EFHD1: variants seen among roughly 807,000 people sequenced by gnomAD.
The protein encoded by EFHD1 is EF-hand domain-containing protein D1.
A neutral mutation model predicts 17.2 loss-of-function variants in EFHD1; 10 were observed. The observed-to-expected ratio is 0.58, with a 90% CI of 0.36 to 0.99. EFHD1 has a LOEUF of 0.99. Among genes scored for constraint, EFHD1 ranks in the 50% least tolerant of loss-of-function variants. The pLI is 0.01. For missense variants in EFHD1, 310 were observed against 327.5 expected (o/e 0.95, Z 0.41); for synonymous variants, 153 against 142.0 (o/e 1.08, Z -0.55).
intron 3 of EFHD1, among the ~76,000 whole-genome samples, chr2:232,674,928 A>G (rs1695142514): frequency 6.6e-6 from 1 of 152,128 alleles, no homozygotes; most frequent in African/African-American, 2.4e-5. Flanking sequence ...GTGAGGGAGC[A>G]GGGCTGGTGA....
intron 1 of EFHD1, among the ~76,000 whole-genome samples, chr2:232,621,356 C>T (rs74962424): frequency 4.8e-4 from 73 of 152,148 alleles, no homozygotes; most frequent in Middle Eastern, 3.2e-3. Flanking sequence ...AGGGACACAG[C>T]GGCAGAGTGA....
chr2:232,659,898 C>T (rs934407701), intron 1 of EFHD1, among the ~76,000 whole-genome samples: 11 of 152,268 alleles, frequency 7.2e-5, no homozygotes, highest in African/African-American at 2.6e-4. Context: ...ATGGCCGGAA[C>T]AGGAGCAAGA....
chr2:232,613,278 G>A (rs992692594), intron 1 of EFHD1, among the ~76,000 whole-genome samples: 3 of 151,880 alleles, frequency 2.0e-5, no homozygotes, highest in East Asian at 3.9e-4. Context: ...ACGAAAATGA[G>A]CTGGTCATGA....
In EFHD1 at chr2:232,668,683, G is replaced by A. The variant is rs12694914; in HGVS notation, c.451-3626G>A. 9.6e-3 allele frequency among the ~76,000 whole-genome samples: 1,454 copies of A among 152,126 alleles called. 22 individuals are homozygous for A. Among genetic ancestry groups the A allele is most frequent in the African/African-American group, 0.034 (1,390 of 41,490 alleles). ...CAGTTTCACTCTGTCACCCAGGCTG[G>A]AGTGCAATGGCGCGATCTCGGCTCA... On this transcript the variant is annotated intron_variant, in intron 2 of 3. Coordinates refer to ENST00000264059, the MANE Select transcript of EFHD1 (RefSeq NM_025202.4).
upstream of EFHD1, among the ~76,000 whole-genome samples, chr2:232,630,675 G>A (rs1409828834): frequency 2.0e-5 from 3 of 151,578 alleles, no homozygotes; most frequent in African/African-American, 4.9e-5. Context: ...GCTGGGCACC[G>A]TGGCTCACCC....
At chr2:232,654,865 C>T (rs769640556) in intron 1 of EFHD1, among the ~76,000 whole-genome samples, 1 of 152,202 alleles carries the variant, frequency 6.6e-6, no homozygotes, top group African/African-American at 2.4e-5. Context: ...CCTGGTGCTT[C>T]CTCTCCCAGC....
chr2:232,639,238 G>A (rs1250471103), intron 1 of EFHD1, among the ~76,000 whole-genome samples: 2 of 152,168 alleles, frequency 1.3e-5, no homozygotes, highest in South Asian at 2.1e-4. Context: ...GTTGAGTGAT[G>A]AAAACAGTTA....
At chr2:232,650,800 C>T (rs1203791659) in intron 1 of EFHD1, among the ~76,000 whole-genome samples, 1 of 151,574 alleles carries the variant, frequency 6.6e-6, no homozygotes, top group East Asian at 1.9e-4. Flanking sequence ...AACTCCTGAC[C>T]TCAGGCAATC....
upstream of EFHD1, among the ~76,000 whole-genome samples, chr2:232,631,286 T>TTCTC (rs955159128): frequency 2.7e-5 from 4 of 148,018 alleles, no homozygotes; most frequent in Non-Finnish European, 6.0e-5. Context: ...CTCTCTTTCT[T>TTCTC]TCTCTCTCTC....
Position 232,678,799 on chromosome 2 carries a change from CAAAAAA to C in EFHD1, c.586-2785_586-2780del, listed in dbSNP as rs1574738522. 2.0e-5 allele frequency among the ~76,000 whole-genome samples: 3 copies of C among 151,776 alleles called. No individual in the cohort carries two copies. The East Asian group carries it at 5.8e-4, about 29-fold the overall frequency. ...ACTCTGCTTCAAACAAACAAACAAA[CAAAAAA>C]GAAAAAGAAACATCTCTTTCACGTG... On this transcript the variant is annotated intron_variant, in intron 3 of 3. Transcript: ENST00000264059.
At chr2:232,678,354 A>C (rs1695215353) in intron 3 of EFHD1, among the ~76,000 whole-genome samples, 1 of 152,230 alleles carries the variant, frequency 6.6e-6, no homozygotes, top group Admixed American at 6.5e-5. Flanking sequence ...CTGTAAGAAT[A>C]ATTTGAAAAT....
chr2:232,655,888 G>A (rs1694753057), intron 1 of EFHD1, among the ~76,000 whole-genome samples: 1 of 147,404 alleles, frequency 6.8e-6, no homozygotes, highest in Non-Finnish European at 1.5e-5. Context: ...CTTACTGCAA[G>A]CTCCGCCTCC....
At chr2:232,624,637 C>A (rs1329060337) in intron 1 of EFHD1, among the ~76,000 whole-genome samples, 4 of 152,194 alleles carry the variant, frequency 2.6e-5, no homozygotes, top group Non-Finnish European at 5.9e-5. Context: ...GCAGCCAAGC[C>A]GGGGAAAGTT....
intron 1 of EFHD1, among the ~76,000 whole-genome samples, chr2:232,609,749 A>C (rs982694908): frequency 6.6e-6 from 1 of 152,194 alleles, no homozygotes; most frequent in African/African-American, 2.4e-5. Flanking sequence ...GATGAGACGG[A>C]AACAGTCCCG....
At chr2:232,640,038 C>T (rs559047610) in intron 1 of EFHD1, among the ~76,000 whole-genome samples, 30 of 152,230 alleles carry the variant, frequency 2.0e-4, no homozygotes, top group African/African-American at 6.7e-4. Flanking sequence ...CTTCTGTGTC[C>T]CCTGAGTGTT....
intron 3 of EFHD1, among the ~76,000 whole-genome samples, chr2:232,675,603 T>G (rs976831091): frequency 6.6e-6 from 1 of 152,172 alleles, no homozygotes; most frequent in Admixed American, 6.5e-5. Flanking sequence ...CAGCCGCAGG[T>G]GCAGGGGAGC....
At chr2:232,617,166 G>A (rs13410380) in intron 1 of EFHD1, among the ~76,000 whole-genome samples, 32,838 of 152,154 alleles carry the variant, frequency 0.22, 4,114 homozygotes, top group East Asian at 0.58. Flanking sequence ...TTCCATTCGC[G>A]GTGGTTCAGG....
intron 2 of EFHD1, 92 bp from the exon 3 acceptor site, chr2:232,672,217 G>A: frequency 5.2e-6 from 8 of 1,545,300 alleles, no homozygotes; most frequent in South Asian, 4.5e-5. Context: ...TTTCTTAAGT[G>A]ATTGGCAGAG....
chr2:232,660,670 A>G (rs913873852), intron 1 of EFHD1, among the ~76,000 whole-genome samples: 1 of 152,064 alleles, frequency 6.6e-6, no homozygotes, highest in Non-Finnish European at 1.5e-5. Context: ...AATTGTGGTA[A>G]AATGCACTTA....
Sources: allele counts gnomAD v4.1 joint callset (sites outside exome capture counted in the v4.1 genomes callset), GRCh38; gene constraint gnomAD v4.1.1; transcripts MANE v1.5; gene names NCBI Gene and HGNC (gene_info 2026-07-23, HGNC 2026-07-21).